The following MYOM2 variants were observed in gnomAD, a reference collection of about 807,000 sequenced individuals.
MYOM2 encodes myomesin 2.
MYOM2 carries 254 observed loss-of-function variants against 187.6 expected under a neutral mutation model. The ratio of observed to expected loss-of-function variants is 1.35; its 90% CI spans 1.22 to 1.50. MYOM2 has a LOEUF of 1.50. MYOM2 is among the 40% of genes most tolerant of loss of function. The pLI is 0.00. For missense variants in MYOM2, 2,796 were observed against 1,924.0 expected, an observed-to-expected ratio of 1.45 and a Z score of -8.48; for synonymous variants, 981 against 753.8, an observed-to-expected ratio of 1.30 and a Z score of -4.94.
At chr8:2,102,043 C>G (rs1796727419) in intron 20 of MYOM2, 1 of 152,268 alleles carries the variant, frequency 6.6e-6, no homozygotes. Flanking sequence ...GGGCCTGCTT[C>G]CTTCCCTAAA....
chr8:2,119,657 C>G (rs6989996), intron 28 of MYOM2, among the ~76,000 whole-genome samples: 5 of 152,036 alleles, frequency 3.3e-5, no homozygotes, highest in African/African-American at 1.2e-4. Flanking sequence ...TGAGGGAGAG[C>G]GAGGGGAGTC....
At chr8:2,102,885 G>C in intron 21 of MYOM2, 104 bp downstream of exon 21, 7 of 868,284 alleles carry the variant, frequency 8.1e-6, no homozygotes, top group Non-Finnish European at 1.3e-5. Context: ...GAGTGGGAGA[G>C]TGAACACGTG....
At chr8:2,116,783 A>G (rs182290279) in intron 27 of MYOM2, among the ~76,000 whole-genome samples, 1 of 152,024 alleles carries the variant, frequency 6.6e-6, no homozygotes, top group Non-Finnish European at 1.5e-5. Context: ...TTTGAGATGG[A>G]GTCTTGCTCT....
intron 16 of MYOM2, among the ~76,000 whole-genome samples, chr8:2,093,183 G>GA (rs1264721293): frequency 1.3e-5 from 2 of 152,134 alleles, no homozygotes; most frequent in Admixed American, 1.3e-4. Flanking sequence ...TTTAAAATCT[G>GA]AAAAAAATAC....
At chr8:2,056,853 G>A (rs1471194520) in intron 3 of MYOM2, among the ~76,000 whole-genome samples, 2 of 152,196 alleles carry the variant, frequency 1.3e-5, no homozygotes, top group African/African-American at 4.8e-5. Context: ...TAAATCCACA[G>A]AAGTTCCCTG....
At chr8:2,107,227 C>G (rs899762643) in intron 23 of MYOM2, among the ~76,000 whole-genome samples, 4 of 152,098 alleles carry the variant, frequency 2.6e-5, no homozygotes, top group African/African-American at 4.8e-5. Flanking sequence ...GTCATCTACC[C>G]CACCCACAGG....
intron 32 of MYOM2, 68 bp downstream of exon 32, chr8:2,129,300 C>A: frequency 9.7e-7 from 1 of 1,029,306 alleles, no homozygotes; most frequent in Non-Finnish European, 1.5e-6. Flanking sequence ...CAGCTGGGAC[C>A]AGGCGCTCCC....
rs1798306871 is a variant in MYOM2, at chr8:2,142,473, C to T, written c.4024+76C>T. On this transcript the variant is annotated intron_variant, in intron 35 of 36. Coordinates refer to ENST00000262113, the MANE Select transcript of MYOM2 (RefSeq NM_003970.4). ...CAAAAGTGTCCATATTTTGGAGGAC[C>T]AACTTTGTGTATTAAATAATAACCA... 10 of 1,427,126 alleles carry T rather than the reference C, an allele frequency of 7.0e-6. No individual in the cohort carries two copies. The South Asian group carries it at 9.2e-5, about 13-fold the overall frequency. The allele number at this position is 1,427,126 out of a possible 1,614,324, so 88.4% of individuals were successfully genotyped here.
At chr8:2,065,865 C>G (rs753205310) in intron 6 of MYOM2, among the ~76,000 whole-genome samples, 3 of 152,200 alleles carry the variant, frequency 2.0e-5, no homozygotes, top group Admixed American at 6.5e-5. Context: ...TGAGCTGAGT[C>G]TACACTGACA....
chr8:2,136,215 C>G (rs1034218663), intron 32 of MYOM2, among the ~76,000 whole-genome samples: 1 of 152,212 alleles, frequency 6.6e-6, no homozygotes, highest in African/African-American at 2.4e-5. Flanking sequence ...ATCCCCGGCT[C>G]ATGGCTACCT....
At chr8:2,097,208 TTATAA>T (rs1387655535) in intron 18 of MYOM2, 10 of 530,516 alleles carry the variant, frequency 1.9e-5, no homozygotes, top group East Asian at 1.4e-4. Context: ...ATCTATCTCT[TTATAA>T]TATATGTTAA....
chr8:2,073,732 C>G (rs1819319450), intron 10 of MYOM2, among the ~76,000 whole-genome samples: 1 of 152,240 alleles, frequency 6.6e-6, no homozygotes, highest in Non-Finnish European at 1.5e-5. Context: ...CCAGAATCAT[C>G]ATTTTTTTGT....
In MYOM2 at chr8:2,129,143, A is replaced by C. The variant is rs184172340; in HGVS notation, c.3711A>C (p.Pro1237=). 2.2e-5 allele frequency: 35 copies of C among 1,606,962 alleles called. No individual in the cohort carries two copies. In the African/African-American group the frequency reaches 4.0e-4, roughly 18 times the overall value. ...MSRVCGKSAS[P]LKVLCTPEGI... The stretch of plus-strand genomic sequence containing the variant: ...TTTCTGCAGGGAAATCTGCTTCGCC[A>C]CTGAAGGTACTCTGCACCCCAGAAG... The change falls in exon 32 of 37, where the codon CCA becomes CCC. Residue 1237 remains proline (P), a synonymous_variant. Transcript: ENST00000262113.
At chr8:2,091,206 T>TA (rs1796291767) in intron 15 of MYOM2, among the ~76,000 whole-genome samples, 2 of 151,956 alleles carry the variant, frequency 1.3e-5, no homozygotes, top group East Asian at 1.9e-4. Flanking sequence ...TAATGCTTTT[T>TA]TAAAAAAATT....
intron 16 of MYOM2, among the ~76,000 whole-genome samples, chr8:2,093,257 TCACAG>T (rs1271721418): frequency 6.6e-6 from 1 of 152,220 alleles, no homozygotes; most frequent in East Asian, 1.9e-4. Flanking sequence ...TAGATGTTCT[TCACAG>T]CCCACAGCAA....
Position 2,116,063 on chromosome 8 carries a change from G to C in MYOM2, c.3284G>C (p.Gly1095Ala). 1 of 1,613,758 alleles carries C rather than the reference G, an allele frequency of 6.2e-7. No homozygotes were observed. The highest frequency in any genetic ancestry group is 8.5e-7 in the Non-Finnish European group (1 of 1,179,960). ...EGTYTVQIHD[G>A]KAKSQSSLVL... is the part of the protein sequence containing the mutation. ...ACCTACACTGTGCAGATTCATGATGGGAAAGCCAAAAGTCAGTCTTCTCTA... is the reference window on the plus strand; with the variant it reads ...ACCTACACTGTGCAGATTCATGATGCGAAAGCCAAAAGTCAGTCTTCTCTA... The change falls in exon 26 of 37, where the codon GGG (glycine) becomes GCG (alanine). Residue 1095 changes from glycine to alanine, a missense_variant. Coordinates refer to ENST00000262113, the MANE Select transcript of MYOM2 (RefSeq NM_003970.4).
At chr8:2,080,257 C>G (rs1228904928) in intron 13 of MYOM2, among the ~76,000 whole-genome samples, 1 of 152,222 alleles carries the variant, frequency 6.6e-6, no homozygotes, top group Non-Finnish European at 1.5e-5. Context: ...TGTGGAGCCA[C>G]TGGCTAGAGA....
chr8:2,108,901 A>C (rs1205774169), intron 24 of MYOM2, 71 bp downstream of exon 24: 204 of 1,447,232 alleles, frequency 1.4e-4, no homozygotes, highest in Non-Finnish European at 1.3e-4. Context: ...TTAATGCATG[A>C]GCTCTTGGAA....
intron 32 of MYOM2, among the ~76,000 whole-genome samples, chr8:2,138,700 T>C (rs1441363348): frequency 1.3e-5 from 2 of 152,210 alleles, no homozygotes; most frequent in Non-Finnish European, 2.9e-5. Flanking sequence ...TAGACAAATG[T>C]GTGTCAGTTA....
Sources: allele counts gnomAD v4.1 joint callset (sites outside exome capture counted in the v4.1 genomes callset), GRCh38; gene constraint gnomAD v4.1.1; transcripts MANE v1.5; gene names NCBI Gene and HGNC (gene_info 2026-07-23, HGNC 2026-07-21).